The following PLPP3 variants were observed in gnomAD, a reference collection of about 807,000 sequenced individuals.
PLPP3 encodes the protein PAP2 beta.
In PLPP3, 6 loss-of-function variants were observed where a neutral mutation model predicts 29.6. The observed-to-expected ratio is 0.20, with a 90% confidence interval of 0.11 to 0.40. PLPP3 has a LOEUF of 0.40. Among genes scored for constraint, PLPP3 ranks in the 10% least tolerant of loss-of-function variants. PLPP3 has a pLI of 1.00. For missense variants in PLPP3, 308 were observed against 407.7 expected, an observed-to-expected ratio of 0.76 and a Z score of 2.11; for synonymous variants, 152 against 159.7, an observed-to-expected ratio of 0.95 and a Z score of 0.36.
intron 5 of PLPP3, among the ~76,000 whole-genome samples, chr1:56,500,840 AC>A (rs1439513052): frequency 6.6e-6 from 1 of 151,910 alleles, no homozygotes; most frequent in African/African-American, 2.4e-5. Context: ...CCCCCTCTCT[AC>A]AAAAGTACAA....
At chr1:56,521,256 A>G (rs1420099076) in intron 4 of PLPP3, among the ~76,000 whole-genome samples, 1 of 62,494 alleles carries the variant, frequency 1.6e-5, no homozygotes, top group African/African-American at 3.3e-5. Flanking sequence ...AAAAAAAAAA[A>G]GAAGAAGAAG....
chr1:56,529,255 G>A lies in PLPP3; in HGVS notation c.298-4701C>T, dbSNP rs540689805. Among the ~76,000 whole-genome samples, 5 of 152,220 alleles carry A rather than the reference G, an allele frequency of 3.3e-5. No individual in the cohort carries two copies. In the South Asian group the frequency reaches 1.0e-3, roughly 32 times the overall value. On this transcript the variant is annotated intron_variant, in intron 2 of 5. Coordinates refer to ENST00000371250, the MANE Select transcript of PLPP3 (RefSeq NM_003713.5). ...CAGCAAGAAGACCATCACTGAAGCT[G>A]GGGCTTCCTCCTTCTAATTCCTGTG...
chr1:56,521,381 C>T (rs1029639614), intron 4 of PLPP3, among the ~76,000 whole-genome samples: 1 of 152,088 alleles, frequency 6.6e-6, no homozygotes, highest in African/African-American at 2.4e-5. Flanking sequence ...CTTATCTTCA[C>T]AGGTTGTTTT....
chr1:56,567,395 T>TTA lies in PLPP3; in HGVS notation c.139+11482_139+11483insTA, dbSNP rs1280381055. On this transcript the variant is annotated intron_variant, in intron 1 of 5. Transcript: ENST00000371250. ...TCTGCATTAATCTTAAGGTATTTCT[T>TTA]TTTTTTTTTTTTTTTTTTTTGAGAT... Among the ~76,000 whole-genome samples the TTA allele has an allele frequency of 6.0e-5, 6 of 100,276 alleles. No individual in the cohort carries two copies. In the East Asian group the frequency reaches 1.4e-3, roughly 24 times the overall value. The allele number at this position is 100,276 out of a possible 152,430, so 65.8% of individuals were successfully genotyped here. A position where few individuals can be genotyped will look rare whatever the true frequency, so the allele number is the denominator to read the frequency against.
intron 5 of PLPP3, among the ~76,000 whole-genome samples, chr1:56,511,119 G>A (rs189572289): frequency 6.6e-4 from 101 of 152,262 alleles, no homozygotes; most frequent in Admixed American, 1.5e-3. Flanking sequence ...GCTGGGCTGG[G>A]GTGAGCTCCC....
intron 2 of PLPP3, among the ~76,000 whole-genome samples, chr1:56,528,961 A>G (rs577280487): frequency 6.6e-6 from 1 of 151,744 alleles, no homozygotes; most frequent in South Asian, 2.1e-4. Flanking sequence ...TCCCAAGAAA[A>G]GTAATATTTT....
chr1:56,560,028 C>A (rs1557514610), intron 1 of PLPP3, among the ~76,000 whole-genome samples: 1 of 152,182 alleles, frequency 6.6e-6, no homozygotes, highest in Non-Finnish European at 1.5e-5. Flanking sequence ...CGTGATGTTA[C>A]CACTTTCAGA....
At chr1:56,540,524 T>C (rs547746064) in intron 1 of PLPP3, among the ~76,000 whole-genome samples, 1 of 152,274 alleles carries the variant, frequency 6.6e-6, no homozygotes, top group African/African-American at 2.4e-5. Context: ...ACAGTCCAAA[T>C]CCTTTTTCCT....
At chr1:56,508,790 AGGCACCT>A (rs543142984) in intron 5 of PLPP3, among the ~76,000 whole-genome samples, 22 of 152,260 alleles carry the variant, frequency 1.4e-4, no homozygotes, top group African/African-American at 4.6e-4. Flanking sequence ...TCCCTCTCCC[AGGCACCT>A]GGTGCCTTCA....
chr1:56,541,587 A>G (rs1645969890), intron 1 of PLPP3, among the ~76,000 whole-genome samples: 1 of 152,168 alleles, frequency 6.6e-6, no homozygotes, highest in Admixed American at 6.6e-5. Flanking sequence ...AAACTAATAC[A>G]TTAAGCCACC....
rs1348219946 is a variant in PLPP3, at chr1:56,496,386, T to G, written c.*165A>C. On this transcript the variant is annotated 3_prime_UTR_variant, in exon 6 of 6. Coordinates refer to ENST00000371250, the MANE Select transcript of PLPP3 (RefSeq NM_003713.5). Reference sequence around the variant, plus strand: ...CTGTTGTTTCCACATAGGCAAACACTACCTATTTTGGAAGGCCACATAGTA... The same window carrying G: ...CTGTTGTTTCCACATAGGCAAACACGACCTATTTTGGAAGGCCACATAGTA... The G allele has an allele frequency of 1.4e-6, 1 of 734,648 alleles. No individual in the cohort carries two copies. The highest frequency in any genetic ancestry group is 2.1e-6 in the Non-Finnish European group (1 of 470,404). The allele number at this position is 734,648 out of a possible 1,614,324, so 45.5% of individuals were successfully genotyped here. A position where few individuals can be genotyped will look rare whatever the true frequency, so the allele number is the denominator to read the frequency against.
intron 1 of PLPP3, among the ~76,000 whole-genome samples, chr1:56,543,580 A>G (rs1367624089): frequency 1.3e-5 from 2 of 152,214 alleles, no homozygotes; most frequent in Non-Finnish European, 2.9e-5. Flanking sequence ...GCTTCTATTT[A>G]AAGTAATTAA....
In PLPP3 at chr1:56,537,026, G is replaced by C; in HGVS notation, c.226C>G (p.Pro76Ala). The C allele has an allele frequency of 6.2e-7, 1 of 1,613,706 alleles. No homozygotes were observed. Among genetic ancestry groups the C allele is most frequent in the South Asian group, 1.1e-5 (1 of 91,062 alleles). Residue 76 changes from proline to alanine, a missense_variant, in exon 2 of 6, where the codon CCA becomes GCA. Physicochemically the swap from Pro to Ala is conservative, Grantham distance 27. Around this residue, in one of 3 missense-constraint regions of PLPP3, gnomAD observed 232 missense variants for 317.2 expected, o/e 0.73. Coordinates refer to ENST00000371250, the MANE Select transcript of PLPP3 (RefSeq NM_003713.5). ...TTTATTGTCTCACCAGTTTTCAGTG[G>C]GTACTTGATGCTCTCATCATTGCAG... ...FYCNDESIKYPLKTGETINDA... is the reference protein window; with the variant it reads ...FYCNDESIKYALKTGETINDA...
In PLPP3 at chr1:56,496,567, T is replaced by A. The variant is rs867699788; in HGVS notation, c.920A>T (p.His307Leu). The change falls in exon 6 of 6, where the codon CAC (histidine) becomes CTC (leucine). Residue 307 changes from histidine (H) to leucine (L), a missense_variant. By Grantham distance (99) the His-to-Leu change is moderately conservative. Transcript: ENST00000371250. ...GGGTGGCACCTACATCATGTTGTGG[T>A]GATTGTTCCTGTCAATAATGTCCAC... ...SPVDIIDRNNHHNMM is the reference protein window; with the variant it reads ...SPVDIIDRNNLHNMM 6.2e-7 allele frequency: 1 copy of A among 1,613,992 alleles called. No individual in the cohort carries two copies. Among genetic ancestry groups the A allele is most frequent in the African/African-American group, 1.3e-5 (1 of 74,916 alleles).
intron 1 of PLPP3, among the ~76,000 whole-genome samples, chr1:56,542,179 G>A (rs1421773288): frequency 1.3e-5 from 2 of 152,128 alleles, no homozygotes; most frequent in African/African-American, 2.4e-5. Context: ...GTTGGGTTCA[G>A]GCCTTTGAAA....
chr1:56,519,562 A>G (rs1645804764), intron 4 of PLPP3, among the ~76,000 whole-genome samples: 1 of 152,146 alleles, frequency 6.6e-6, no homozygotes. Context: ...GCTCAGCACA[A>G]CACAGCAGAC....
chr1:56,503,699 T>C (rs950850020), intron 5 of PLPP3, among the ~76,000 whole-genome samples: 2 of 152,030 alleles, frequency 1.3e-5, no homozygotes, highest in Non-Finnish European at 2.9e-5. Context: ...CCAAAAAAAA[T>C]CCACCTACCT....
chr1:56,513,765 G>A (rs1239124018), intron 4 of PLPP3: 3 of 151,986 alleles, frequency 2.0e-5, no homozygotes, highest in African/African-American at 7.3e-5. Context: ...GCCGTTGCCT[G>A]CTAAACAAGG....
chr1:56,575,138 C>T lies in PLPP3; in HGVS notation c.139+3740G>A, dbSNP rs548867874. Among the ~76,000 whole-genome samples the T allele has an allele frequency of 5.3e-5, 8 of 152,226 alleles. No individual in the cohort carries two copies. The South Asian group carries it at 1.5e-3, about 28-fold the overall frequency. On this transcript the variant is annotated intron_variant, in intron 1 of 5. Coordinates refer to ENST00000371250, the MANE Select transcript of PLPP3 (RefSeq NM_003713.5). ...CGTCAAGCCTCTACTAGAAATCGGT[C>T]ACCGCATGTTTAATGGCAATAATAG... is the stretch of plus-strand genomic sequence containing the variant.
Sources: gnomAD v4.1 joint callset for allele counts (sites outside exome capture counted in the v4.1 genomes callset) on GRCh38, gnomAD v4.1.1 for gene constraint, gnomAD v4.1.1 regional missense constraint, MANE v1.5 for transcripts, NCBI Gene and HGNC (gene_info 2026-07-23, HGNC 2026-07-21) for gene names.